SGCZ: variants seen among roughly 807,000 people sequenced by gnomAD.
SGCZ encodes the protein sarcoglycan zeta.
A neutral mutation model predicts 41.3 loss-of-function variants in SGCZ; 40 were observed. The ratio of observed to expected loss-of-function variants is 0.97; its 90% confidence interval spans 0.75 to 1.26. The LOEUF (loss-of-function observed/expected upper bound fraction) is 1.26. Ranked by LOEUF, SGCZ falls within the 50% of genes most tolerant of loss-of-function variation. The pLI is 0.00. For missense variants in SGCZ, 552 were observed against 369.8 expected (o/e 1.49, Z -4.04); for synonymous variants, 206 against 137.5 (o/e 1.50, Z -3.49).
chr8:14,937,039 A>G (rs1191400725), intron 1 of SGCZ, among the ~76,000 whole-genome samples: 3 of 151,880 alleles, frequency 2.0e-5, no homozygotes, highest in African/African-American at 4.8e-5. Context: ...GACTGTAATG[A>G]TAAGAGCAGA....
intron 1 of SGCZ, among the ~76,000 whole-genome samples, chr8:14,754,439 T>C (rs887009893): frequency 2.0e-5 from 3 of 152,180 alleles, no homozygotes; most frequent in Non-Finnish European, 4.4e-5. Context: ...CATATGTATA[T>C]GTGTTATATA....
intron 1 of SGCZ, among the ~76,000 whole-genome samples, chr8:14,575,649 G>C (rs1029036763): frequency 2.6e-5 from 4 of 152,122 alleles, no homozygotes; most frequent in Non-Finnish European, 5.9e-5. Context: ...GTGTACGCCT[G>C]TAATCCTGGC....
At chr8:14,722,446 CTTTA>C (rs940434961) in intron 1 of SGCZ, among the ~76,000 whole-genome samples, 1 of 151,828 alleles carries the variant, frequency 6.6e-6, no homozygotes, top group Non-Finnish European at 1.5e-5. Flanking sequence ...TTAAGGAATA[CTTTA>C]TTATTATAAT....
At chr8:14,568,531 C>G (rs1262160615) in intron 1 of SGCZ, among the ~76,000 whole-genome samples, 1 of 147,706 alleles carries the variant, frequency 6.8e-6, no homozygotes, top group African/African-American at 2.5e-5. Context: ...TTTTCTGTTG[C>G]TTTATGATTT....
At chr8:14,127,924 T>TC (rs1287892234) in intron 5 of SGCZ, among the ~76,000 whole-genome samples, 1 of 151,972 alleles carries the variant, frequency 6.6e-6, no homozygotes, top group Non-Finnish European at 1.5e-5. Context: ...CCTCCCAACC[T>TC]CCCCCCGCAT....
At chr8:14,505,737 G>T (rs774977922) in intron 2 of SGCZ, among the ~76,000 whole-genome samples, 1 of 152,046 alleles carries the variant, frequency 6.6e-6, no homozygotes, top group African/African-American at 2.4e-5. Context: ...GCCTCAATTG[G>T]ACCCTTAGTA....
intron 5 of SGCZ, among the ~76,000 whole-genome samples, chr8:14,162,236 A>G (rs996125149): frequency 1.3e-5 from 2 of 152,172 alleles, no homozygotes; most frequent in Admixed American, 1.3e-4. Flanking sequence ...AAAAGCTGCC[A>G]AGAACTCTAG....
intron 1 of SGCZ, among the ~76,000 whole-genome samples, chr8:14,711,025 C>A (rs1809498118): frequency 6.6e-6 from 1 of 152,052 alleles, no homozygotes; most frequent in Admixed American, 6.6e-5. Flanking sequence ...CATATATACC[C>A]TTTTAATGAC....
At position 14,087,940 on chromosome 8, in the gene SGCZ, T is replaced by C. The variant is rs1211158027; in HGVS notation, c.*2503A>G. Among the ~76,000 whole-genome samples, 3 of 151,906 alleles carry C rather than the reference T, an allele frequency of 2.0e-5. No individual in the cohort carries two copies. The East Asian group carries it at 5.8e-4, about 30-fold the overall frequency. On this transcript the variant is annotated 3_prime_UTR_variant, in exon 8 of 8. Transcript: ENST00000382080. ...TACTGTACTGAACCGATTTGTTATA[T>C]CATCTGGATACAGTCTAAAGCTCTC...
At chr8:14,298,607 T>A (rs1463127394) in intron 3 of SGCZ, among the ~76,000 whole-genome samples, 1 of 151,946 alleles carries the variant, frequency 6.6e-6, no homozygotes, top group African/African-American at 2.4e-5. Context: ...AAATTTTATA[T>A]ACTCAGAACA....
chr8:14,862,517 C>G (rs1041502250), intron 1 of SGCZ, among the ~76,000 whole-genome samples: 7 of 112,224 alleles, frequency 6.2e-5, no homozygotes, highest in Non-Finnish European at 1.2e-4. Flanking sequence ...TTTTATGAAA[C>G]AAAAATTGCA....
chr8:15,083,994 T>A (rs1318601927), intron 1 of SGCZ, among the ~76,000 whole-genome samples: 1 of 151,328 alleles, frequency 6.6e-6, no homozygotes, highest in African/African-American at 2.4e-5. Flanking sequence ...TTGCAAAAAA[T>A]TAATGTACTC....
intron 2 of SGCZ, among the ~76,000 whole-genome samples, chr8:14,421,553 A>G (rs567827633): frequency 1.3e-5 from 2 of 152,268 alleles, no homozygotes; most frequent in East Asian, 1.9e-4. Flanking sequence ...CATCTGCATC[A>G]TATAAGACAA....
rs753374713 is a variant in SGCZ, at chr8:14,237,606, C to G, written c.410G>C (p.Gly137Ala). ...NARNHMGQLT[G>A]QLTIGADAVE... ...AAAACACTCACCTATGGTCAGCTGT[C>G]CGGTTAACTGCCCCATGTGATTTCT... is the stretch of plus-strand genomic sequence containing the variant. Residue 137 changes from glycine to alanine, a missense_variant, in exon 4 of 8, where the codon GGA becomes GCA. Coordinates refer to ENST00000382080, the MANE Select transcript of SGCZ (RefSeq NM_139167.4). 2.9e-5 allele frequency: 46 copies of G among 1,613,782 alleles called. No homozygotes were observed. The Admixed American group carries it at 7.0e-4, about 25-fold the overall frequency.
At chr8:14,773,137 G>C (rs1227912741) in intron 1 of SGCZ, among the ~76,000 whole-genome samples, 1 of 152,102 alleles carries the variant, frequency 6.6e-6, no homozygotes, top group Non-Finnish European at 1.5e-5. Context: ...GTGTGAGATG[G>C]TATCTCATTG....
At chr8:14,389,674 G>A (rs1804695604) in intron 2 of SGCZ, among the ~76,000 whole-genome samples, 1 of 151,874 alleles carries the variant, frequency 6.6e-6, no homozygotes. Context: ...GTTTTAGTAA[G>A]AAGAAAAATA....
In SGCZ at chr8:15,160,450, C is replaced by T. The variant is rs181770141; in HGVS notation, c.39+77135G>A. Among the ~76,000 whole-genome samples, 17 of 152,270 alleles carry T rather than the reference C, an allele frequency of 1.1e-4. No individual in the cohort carries two copies. The East Asian group carries it at 1.7e-3, about 16-fold the overall frequency. On this transcript the variant is annotated intron_variant, in intron 1 of 7. Transcript: ENST00000382080. ...TGTGAATAACGCTGCTATGAACAGA[C>T]GTGTGAGACGAGAATTTTGAACAGG...
chr8:14,776,215 T>C (rs920970185), intron 1 of SGCZ, among the ~76,000 whole-genome samples: 5 of 152,162 alleles, frequency 3.3e-5, no homozygotes, highest in African/African-American at 1.2e-4. Flanking sequence ...AATCTTACTT[T>C]GAATTGTAAT....
At chr8:14,504,870 C>G (rs903288861) in intron 2 of SGCZ, among the ~76,000 whole-genome samples, 2 of 152,148 alleles carry the variant, frequency 1.3e-5, no homozygotes, top group South Asian at 2.1e-4. Flanking sequence ...TCACTTTCCT[C>G]TTTCTTTATA....
Sources: gnomAD v4.1 joint callset for allele counts (sites outside exome capture counted in the v4.1 genomes callset) on GRCh38, gnomAD v4.1.1 for gene constraint, MANE v1.5 for transcripts, NCBI Gene and HGNC (gene_info 2026-07-23, HGNC 2026-07-21) for gene names.